The following PPIP5K2 variants were observed in gnomAD, a reference collection of about 807,000 sequenced individuals.
The protein encoded by PPIP5K2 is inositol hexakisphosphate and diphosphoinositol-pentakisphosphate kinase 2.
A neutral mutation model predicts 154.6 loss-of-function variants in PPIP5K2; 105 were observed. The observed-to-expected ratio is 0.68, with a 90% CI of 0.58 to 0.80. PPIP5K2 has a LOEUF of 0.80. Among genes scored for constraint, PPIP5K2 ranks in the 30% least tolerant of loss-of-function variants. The pLI is 0.00. For synonymous variants in PPIP5K2, 480 were observed against 490.3 expected, an observed-to-expected ratio of 0.98 and a Z score of 0.28; for missense variants, 992 against 1,504.6, an observed-to-expected ratio of 0.66 and a Z score of 5.64.
In PPIP5K2 at chr5:103,173,210, C is replaced by T; in HGVS notation, c.2342C>T (p.Pro781Leu). 1 of 1,611,588 alleles carries T rather than the reference C, an allele frequency of 6.2e-7. No homozygotes were observed. The highest frequency in any genetic ancestry group is 8.5e-7 in the Non-Finnish European group (1 of 1,178,414). ...GAGATTGCCAAAGGCTACTGTACTC[C>T]TCTGGTTAGAAAAATTCGCTCAGAC... ...KLEIAKGYCT[P>L]LVRKIRSDLQ... Residue 781 changes from proline (P) to leucine (L), a missense_variant, in exon 20 of 31, where the codon CCT becomes CTT. By Grantham distance (98) the Pro-to-Leu change is moderately conservative. Coordinates refer to ENST00000358359, the MANE Select transcript of PPIP5K2 (RefSeq NM_001276277.3).
intron 3 of PPIP5K2, 65 bp from the exon 4 acceptor site, chr5:103,136,667 A>G: frequency 7.8e-7 from 1 of 1,281,576 alleles, no homozygotes; most frequent in African/African-American, 1.5e-5. Flanking sequence ...CATCAATTCA[A>G]GTTAATAAAG....
intron 30 of PPIP5K2, among the ~76,000 whole-genome samples, chr5:103,198,192 T>G (rs1554229189): frequency 6.6e-6 from 1 of 152,196 alleles, no homozygotes; most frequent in Non-Finnish European, 1.5e-5. Flanking sequence ...CAGGGTTTTT[T>G]TATTGTTTTT....
In PPIP5K2 at chr5:103,158,077, A is replaced by G. The variant is rs554703283; in HGVS notation, c.1490-111A>G. ...CAGCATTTAAGGAAGAAAATATCTT[A>G]CATATGGGCCATATTTCACTGCAGA... is the stretch of plus-strand genomic sequence containing the variant. On this transcript the variant is annotated intron_variant, in intron 14 of 30. Coordinates refer to ENST00000358359, the MANE Select transcript of PPIP5K2 (RefSeq NM_001276277.3). 82 of 1,134,876 alleles carry G rather than the reference A, an allele frequency of 7.2e-5. No individual in the cohort carries two copies. In the African/African-American group the frequency reaches 1.2e-3, roughly 16 times the overall value. 70.3% of individuals were successfully genotyped at this position (1,134,876 alleles called of 1,614,324 possible). A position where few individuals can be genotyped will look rare whatever the true frequency, so the allele number is the denominator to read the frequency against.
At position 103,151,390 on chromosome 5, in the gene PPIP5K2, T is replaced by A; in HGVS notation, c.1028+16T>A. Reference sequence around the variant, plus strand: ...AAATACTTGGGTAAGAATTTTTAAATTTTTCTTTTTACCTTCATATACTAG... The same window carrying A: ...AAATACTTGGGTAAGAATTTTTAAAATTTTCTTTTTACCTTCATATACTAG... On this transcript the variant is annotated intron_variant, in intron 9 of 30. Coordinates refer to ENST00000358359, the MANE Select transcript of PPIP5K2 (RefSeq NM_001276277.3). The A allele has an allele frequency of 6.3e-7, 1 of 1,576,040 alleles. No homozygotes were observed. Among genetic ancestry groups the A allele is most frequent in the Non-Finnish European group, 8.6e-7 (1 of 1,156,150 alleles).
intron 30 of PPIP5K2, among the ~76,000 whole-genome samples, chr5:103,196,939 A>G (rs1802173762): frequency 6.6e-6 from 1 of 152,196 alleles, no homozygotes; most frequent in Non-Finnish European, 1.5e-5. Context: ...TAGAAGGATC[A>G]GAGAAACAGA....
At position 103,204,603 on chromosome 5, in the gene PPIP5K2, C is replaced by G. The variant is rs1248971551; in HGVS notation, c.*2969C>G. 6.6e-6 allele frequency: 1 copy of G among 152,176 alleles called. No individual in the cohort carries two copies. Among genetic ancestry groups the G allele is most frequent in the Non-Finnish European group, 1.5e-5 (1 of 68,044 alleles). 9.4% of individuals were successfully genotyped at this position (152,176 alleles called of 1,614,324 possible). A position where few individuals can be genotyped will look rare whatever the true frequency, so the allele number is the denominator to read the frequency against. On this transcript the variant is annotated 3_prime_UTR_variant, in exon 31 of 31. Coordinates refer to ENST00000358359, the MANE Select transcript of PPIP5K2 (RefSeq NM_001276277.3). ...GGTACTATAGGTGCGTGCCACCACA[C>G]CCAGCTCATGGGAATAATTTTTACA...
In PPIP5K2 at chr5:103,194,978, C is replaced by T. The variant is rs148285974; in HGVS notation, c.3572C>T (p.Pro1191Leu). Residue 1191 changes from proline to leucine, a missense_variant, in exon 30 of 31, where the codon CCA becomes CTA. Transcript: ENST00000358359. ...LNTYTPAKIL[P>L]TPPATLKSTK... ...ACGTATACACCTGCAAAGATCCTCC[C>T]AACACCACCAGCTACCTTAAAGAGC... The T allele has an allele frequency of 1.2e-6, 2 of 1,613,692 alleles. No individual in the cohort carries two copies. The highest frequency in any genetic ancestry group is 1.7e-6 in the Non-Finnish European group (2 of 1,179,788).
At chr5:103,188,534 T>G (rs1370011622) in intron 28 of PPIP5K2, 1 of 152,198 alleles carries the variant, frequency 6.6e-6, no homozygotes, top group Non-Finnish European at 1.5e-5. Flanking sequence ...GTGCTTTCCC[T>G]TCATTGTAGC....
intron 13 of PPIP5K2, among the ~76,000 whole-genome samples, chr5:103,155,330 T>A (rs1463988243): frequency 6.7e-6 from 1 of 149,388 alleles, no homozygotes; most frequent in Non-Finnish European, 1.5e-5. Context: ...TCTCTTACAA[T>A]CTTATTTCCT....
chr5:103,172,277 A>G (rs1325947784), intron 19 of PPIP5K2, among the ~76,000 whole-genome samples: 1 of 151,566 alleles, frequency 6.6e-6, no homozygotes, highest in Non-Finnish European at 1.5e-5. Context: ...GACCACAGGA[A>G]GTCCTGTTTT....
At position 103,133,661 on chromosome 5, in the gene PPIP5K2, G is replaced by A. The variant is rs1791010281; in HGVS notation, c.310+13G>A. On this transcript the variant is annotated intron_variant, in intron 3 of 30. Transcript: ENST00000358359. ...TTCCATTCTAAAGGTATTAAGGGGA[G>A]TGGGGGAGAAACTCCTTTATCCTCT... The A allele has an allele frequency of 1.3e-6, 2 of 1,554,296 alleles. No homozygotes were observed. The highest frequency in any genetic ancestry group is 1.7e-6 in the Non-Finnish European group (2 of 1,154,308).
intron 8 of PPIP5K2, among the ~76,000 whole-genome samples, chr5:103,149,612 G>A (rs1037307243): frequency 6.6e-6 from 1 of 151,906 alleles, no homozygotes; most frequent in Non-Finnish European, 1.5e-5. Flanking sequence ...CTGGCTTTAA[G>A]TGTTACTTTC....
At chr5:103,190,137 A>G (rs1308473242) in intron 28 of PPIP5K2, among the ~76,000 whole-genome samples, 1 of 152,070 alleles carries the variant, frequency 6.6e-6, no homozygotes, top group Non-Finnish European at 1.5e-5. Flanking sequence ...GATGGTATTA[A>G]TACATATTTG....
At chr5:103,151,525 T>G in intron 9 of PPIP5K2, 151 bp downstream of exon 9, 1 of 618,108 alleles carries the variant, frequency 1.6e-6, no homozygotes, top group East Asian at 2.8e-5. Flanking sequence ...TGCCAGATCC[T>G]GAATTATACT....
chr5:103,150,876 G>T, intron 8 of PPIP5K2, among the ~76,000 whole-genome samples: 1 of 105,818 alleles, frequency 9.5e-6, no homozygotes, highest in Non-Finnish European at 1.9e-5. Flanking sequence ...TTATTAACAT[G>T]GTGTAATTTC....
intron 28 of PPIP5K2, chr5:103,189,111 G>C: frequency 7.5e-7 from 1 of 1,341,010 alleles, no homozygotes; most frequent in Non-Finnish European, 1.0e-6. Context: ...CAAGGAACAT[G>C]GTGAAACAAG....
intron 19 of PPIP5K2, 21 bp downstream of exon 19, chr5:103,168,316 A>G: frequency 6.7e-7 from 1 of 1,501,560 alleles, no homozygotes; most frequent in Admixed American, 1.9e-5. Flanking sequence ...CTTAAGAATC[A>G]ATTTCTTATA....
chr5:103,188,566 A>G (rs1554225867), intron 28 of PPIP5K2: 1 of 152,148 alleles, frequency 6.6e-6, no homozygotes, highest in Non-Finnish European at 1.5e-5. Flanking sequence ...TACTTTTTGA[A>G]GAAAGTGATT....
chr5:103,131,504 C>T (rs1001581185), intron 2 of PPIP5K2, among the ~76,000 whole-genome samples: 35 of 151,996 alleles, frequency 2.3e-4, no homozygotes, highest in Non-Finnish European at 3.8e-4. Flanking sequence ...ATATGGAGGG[C>T]CAACTGTACT....
Sources: allele counts gnomAD v4.1 joint callset (sites outside exome capture counted in the v4.1 genomes callset), GRCh38; gene constraint gnomAD v4.1.1; transcripts MANE v1.5; gene names NCBI Gene and HGNC (gene_info 2026-07-23, HGNC 2026-07-21).